SNTB1: variants seen among roughly 807,000 people sequenced by gnomAD.
The protein encoded by SNTB1 is beta-1-syntrophin.
SNTB1 carries 36 observed loss-of-function variants against 48.9 expected under a neutral mutation model. The ratio of observed to expected loss-of-function variants is 0.74; its 90% CI spans 0.56 to 0.97. The LOEUF (loss-of-function observed/expected upper bound fraction) is 0.97, where lower values mean the gene tolerates loss of function less well. Among genes scored for constraint, SNTB1 ranks in the 50% least tolerant of loss-of-function variants. The pLI is 0.00. For missense variants in SNTB1, 786 were observed against 703.4 expected (o/e 1.12, Z -1.33); for synonymous variants, 299 against 294.6 (o/e 1.01, Z -0.15).
chr8:120,660,206 A>G (rs1817567762), intron 2 of SNTB1, among the ~76,000 whole-genome samples: 1 of 152,226 alleles, frequency 6.6e-6, no homozygotes, highest in African/African-American at 2.4e-5. Context: ...ATGTGAAGAC[A>G]ATGACTTCTC....
At chr8:120,578,095 C>A (rs1414711929) in intron 3 of SNTB1, among the ~76,000 whole-genome samples, 2 of 152,040 alleles carry the variant, frequency 1.3e-5, no homozygotes, top group Non-Finnish European at 2.9e-5. Context: ...TGCAGTGGTG[C>A]GATCTCGGTT....
chr8:120,772,833 C>A (rs984809361), intron 1 of SNTB1, among the ~76,000 whole-genome samples: 1 of 151,814 alleles, frequency 6.6e-6, no homozygotes, highest in Non-Finnish European at 1.5e-5. Context: ...TTGGAGAGAA[C>A]AGAAAGAGAA....
chr8:120,568,011 T>C (rs1173344928), intron 4 of SNTB1, among the ~76,000 whole-genome samples: 2 of 152,224 alleles, frequency 1.3e-5, no homozygotes, highest in African/African-American at 4.8e-5. Flanking sequence ...GTGCTGTATA[T>C]GGCTGTATAG....
chr8:120,728,169 G>C (rs1167636483), intron 1 of SNTB1, among the ~76,000 whole-genome samples: 5 of 152,002 alleles, frequency 3.3e-5, no homozygotes, highest in African/African-American at 1.2e-4. Context: ...GGGACTACAG[G>C]GGTGTATTTT....
At chr8:120,609,978 C>T (rs1489228961) in intron 3 of SNTB1, among the ~76,000 whole-genome samples, 1 of 152,174 alleles carries the variant, frequency 6.6e-6, no homozygotes, top group Non-Finnish European at 1.5e-5. Flanking sequence ...TATTCTCCTC[C>T]CAAATCTTGT....
intron 4 of SNTB1, among the ~76,000 whole-genome samples, chr8:120,549,576 T>A (rs1386296920): frequency 6.6e-6 from 1 of 152,186 alleles, no homozygotes; most frequent in Non-Finnish European, 1.5e-5. Context: ...CAAGAGAGAT[T>A]TTTACCACAC....
chr8:120,600,084 T>A (rs1172464928), intron 3 of SNTB1, among the ~76,000 whole-genome samples: 2 of 152,226 alleles, frequency 1.3e-5, no homozygotes, highest in Non-Finnish European at 2.9e-5. Flanking sequence ...TGTTTACCTG[T>A]CTGTGTGGCA....
At chr8:120,779,912 G>C (rs1314907746) in intron 1 of SNTB1, among the ~76,000 whole-genome samples, 1 of 152,058 alleles carries the variant, frequency 6.6e-6, no homozygotes, top group Admixed American at 6.6e-5. Context: ...AGGGATTTGA[G>C]GGTTGTCTGC....
chr8:120,578,367 T>G (rs1587004803), intron 3 of SNTB1, among the ~76,000 whole-genome samples: 1 of 152,202 alleles, frequency 6.6e-6, no homozygotes, highest in African/African-American at 2.4e-5. Flanking sequence ...AGACCAGTTT[T>G]TGTCAGGCTC....
At chr8:120,618,244 G>C (rs1025060289) in intron 3 of SNTB1, among the ~76,000 whole-genome samples, 2 of 152,046 alleles carry the variant, frequency 1.3e-5, no homozygotes, top group African/African-American at 4.8e-5. Flanking sequence ...AAATTCTTAG[G>C]TTCCATGTTT....
chr8:120,716,113 C>T (rs772368101), intron 1 of SNTB1, among the ~76,000 whole-genome samples: 2 of 152,098 alleles, frequency 1.3e-5, no homozygotes, highest in Non-Finnish European at 2.9e-5. Flanking sequence ...TCTTTCATCC[C>T]GGTCGTTTTA....
intron 1 of SNTB1, among the ~76,000 whole-genome samples, chr8:120,802,311 C>T (rs1230297992): frequency 6.6e-6 from 1 of 152,030 alleles, no homozygotes; most frequent in Non-Finnish European, 1.5e-5. Context: ...ATTGAAAATT[C>T]AAACTTTCAA....
intron 3 of SNTB1, among the ~76,000 whole-genome samples, chr8:120,600,064 C>T (rs1278125020): frequency 2.0e-5 from 3 of 152,240 alleles, no homozygotes; most frequent in African/African-American, 7.2e-5. Flanking sequence ...CAGTTCACCT[C>T]TTCTTTATCT....
chr8:120,652,293 T>C lies in SNTB1; in HGVS notation c.789-19642A>G, dbSNP rs931440729. On this transcript the variant is annotated intron_variant, in intron 2 of 6. Transcript: ENST00000517992. ...GGGGGATTTGATGGCTTGAGGGTTG[T>C]AGGTGTGAAACAATTTGGACCAAAG... 2.6e-5 allele frequency among the ~76,000 whole-genome samples: 4 copies of C among 152,166 alleles called. No homozygotes were observed. In the East Asian group the frequency reaches 7.7e-4, roughly 29 times the overall value.
In SNTB1 at chr8:120,712,972, G is replaced by A. The variant is rs117650650; in HGVS notation, c.572-19064C>T. Among the ~76,000 whole-genome samples the A allele has an allele frequency of 9.5e-4, 144 of 152,188 alleles. 2 individuals carry two copies. In the East Asian group the frequency reaches 0.022, roughly 23 times the overall value. ...TCCTCGTTACTATTGCCAGTACCCC[G>A]TCATGTGGTTTCAGAGACCCATCTC... On this transcript the variant is annotated intron_variant, in intron 1 of 6. Transcript: ENST00000517992.
chr8:120,745,446 T>C (rs975594503), intron 1 of SNTB1, among the ~76,000 whole-genome samples: 2 of 152,036 alleles, frequency 1.3e-5, no homozygotes, highest in African/African-American at 2.4e-5. Context: ...CTTCTGAAAA[T>C]TCCAGAAGAG....
intron 2 of SNTB1, among the ~76,000 whole-genome samples, chr8:120,636,247 T>C (rs557858433): frequency 1.1e-3 from 162 of 152,016 alleles, no homozygotes; most frequent in African/African-American, 3.8e-3. Context: ...TTTTTTTATT[T>C]TTTTATTATT....
At chr8:120,558,170 G>C (rs923929965) in intron 4 of SNTB1, among the ~76,000 whole-genome samples, 2 of 152,070 alleles carry the variant, frequency 1.3e-5, no homozygotes, top group Non-Finnish European at 2.9e-5. Flanking sequence ...GCAGTCTCAG[G>C]GGGACTCTGA....
At chr8:120,732,856 AAAAAGAAAG>A (rs1408551179) in intron 1 of SNTB1, among the ~76,000 whole-genome samples, 1 of 152,254 alleles carries the variant, frequency 6.6e-6, no homozygotes, top group East Asian at 1.9e-4. Flanking sequence ...TCTAAAAAAC[AAAAAGAAAG>A]AAAAGAAAGA....
Sources: gnomAD v4.1 joint callset for allele counts (sites outside exome capture counted in the v4.1 genomes callset) on GRCh38, gnomAD v4.1.1 for gene constraint, MANE v1.5 for transcripts, NCBI Gene and HGNC (gene_info 2026-07-23, HGNC 2026-07-21) for gene names.